TRDN: variants seen among roughly 807,000 people sequenced by gnomAD.
The protein encoded by TRDN is triadin in skeletal muscle.
In TRDN, 161 loss-of-function variants were observed where a neutral mutation model predicts 149.7. The observed-to-expected ratio is 1.08, with a 90% CI of 0.95 to 1.23. The LOEUF (loss-of-function observed/expected upper bound fraction) is 1.23, where lower values mean the gene tolerates loss of function less well. Among genes scored for constraint, TRDN ranks in the 50% most tolerant of loss-of-function variants. TRDN has a pLI of 0.00. For missense variants in TRDN, 896 were observed against 823.5 expected, an observed-to-expected ratio of 1.09 and a Z score of -1.08; for synonymous variants, 294 against 250.5, an observed-to-expected ratio of 1.17 and a Z score of -1.64.
chr6:123,385,423 CAA>C (rs71722709), intron 14 of TRDN, among the ~76,000 whole-genome samples: 21 of 83,204 alleles, frequency 2.5e-4, no homozygotes, highest in African/African-American at 5.1e-4. Flanking sequence ...GACTCCATCT[CAA>C]AAAAAAAAAG....
intron 18 of TRDN, among the ~76,000 whole-genome samples, chr6:123,375,943 G>T (rs1266403057): frequency 6.6e-6 from 1 of 151,718 alleles, no homozygotes; most frequent in African/African-American, 2.4e-5. Flanking sequence ...TTTATATACA[G>T]GCAAATGCAT....
At position 123,636,863 on chromosome 6, in the gene TRDN, G is replaced by A; in HGVS notation, c.-88C>T. 1.3e-6 allele frequency: 2 copies of A among 1,519,242 alleles called. No individual in the cohort carries two copies. The highest frequency in any genetic ancestry group is 9.1e-7 in the Non-Finnish European group (1 of 1,095,990). 94.1% of individuals were successfully genotyped at this position (1,519,242 alleles called of 1,614,324 possible). ...TTGGGGATTTGAGAACTCTGGTGGAGGGTTCTGTGTCAAAACCTGGGGGCT... is the reference window on the plus strand; with the variant it reads ...TTGGGGATTTGAGAACTCTGGTGGAAGGTTCTGTGTCAAAACCTGGGGGCT... On this transcript the variant is annotated 5_prime_UTR_variant, in exon 1 of 41. Coordinates refer to ENST00000334268, the MANE Select transcript of TRDN (RefSeq NM_006073.4).
intron 38 of TRDN, among the ~76,000 whole-genome samples, chr6:123,236,274 T>C (rs1775784387): frequency 6.6e-6 from 1 of 152,218 alleles, no homozygotes; most frequent in Non-Finnish European, 1.5e-5. Flanking sequence ...ATGTCAAATA[T>C]CTTTTCTGGC....
At chr6:123,293,673 G>A (rs906907176) in intron 24 of TRDN, among the ~76,000 whole-genome samples, 1 of 152,106 alleles carries the variant, frequency 6.6e-6, no homozygotes, top group Non-Finnish European at 1.5e-5. Context: ...ATCACACCCT[G>A]TAGGGCTTCT....
At chr6:123,457,564 T>G (rs1254755431) in intron 10 of TRDN, 1 of 293,990 alleles carries the variant, frequency 3.4e-6, no homozygotes, top group Admixed American at 3.0e-5. Flanking sequence ...TTCATTTTCC[T>G]TTTTTTTTCT....
chr6:123,529,367 T>C (rs1326718211), intron 5 of TRDN: 2 of 1,546,436 alleles, frequency 1.3e-6, no homozygotes, highest in Admixed American at 3.9e-5. Flanking sequence ...TAAGTACAAA[T>C]ATAAATAGGT....
chr6:123,273,603 A>G (rs1000140127), intron 27 of TRDN, among the ~76,000 whole-genome samples: 15 of 152,130 alleles, frequency 9.9e-5, no homozygotes, highest in African/African-American at 3.6e-4. Context: ...CTAATAAATC[A>G]TAATAATATT....
intron 1 of TRDN, among the ~76,000 whole-genome samples, chr6:123,609,660 T>C (rs1288085191): frequency 6.6e-6 from 1 of 152,146 alleles, no homozygotes; most frequent in African/African-American, 2.4e-5. Flanking sequence ...CTGACTTGAA[T>C]TGGTTCTTAA....
chr6:123,295,488 C>A (rs1019722373), intron 24 of TRDN, among the ~76,000 whole-genome samples: 2 of 152,116 alleles, frequency 1.3e-5, no homozygotes, highest in African/African-American at 2.4e-5. Context: ...TTGGGGCTCA[C>A]CTGCCCTGCA....
At chr6:123,266,828 A>T (rs1163028706) in intron 32 of TRDN, among the ~76,000 whole-genome samples, 3 of 136,988 alleles carry the variant, frequency 2.2e-5, no homozygotes, top group Non-Finnish European at 4.6e-5. Flanking sequence ...TGGTAGATAG[A>T]TAATGCTAGA....
intron 33 of TRDN, among the ~76,000 whole-genome samples, chr6:123,264,623 T>C (rs202176116): frequency 5.9e-5 from 9 of 152,170 alleles, no homozygotes; most frequent in Admixed American, 3.9e-4. Flanking sequence ...GAAGTTCTAC[T>C]GCGAGTAAAA....
chr6:123,278,726 C>T (rs935329478), intron 25 of TRDN, among the ~76,000 whole-genome samples: 1 of 152,160 alleles, frequency 6.6e-6, no homozygotes, highest in Non-Finnish European at 1.5e-5. Context: ...GCAGAGATCA[C>T]ACCACTGCCC....
chr6:123,543,931 G>A (rs1241546416), intron 4 of TRDN, among the ~76,000 whole-genome samples: 3 of 151,550 alleles, frequency 2.0e-5, no homozygotes, highest in Admixed American at 6.6e-5. Flanking sequence ...GATTCTCTAA[G>A]GAAAAAAGTG....
At chr6:123,547,655 C>A (rs771955207) in intron 3 of TRDN, among the ~76,000 whole-genome samples, 1 of 151,846 alleles carries the variant, frequency 6.6e-6, no homozygotes, top group Non-Finnish European at 1.5e-5. Flanking sequence ...CTCTATTGTT[C>A]ATGTTGAACT....
At chr6:123,592,857 T>C (rs1448238604) in intron 1 of TRDN, among the ~76,000 whole-genome samples, 2 of 152,226 alleles carry the variant, frequency 1.3e-5, no homozygotes, top group African/African-American at 4.8e-5. Flanking sequence ...CACTGTCTGC[T>C]TCTATCTTAG....
chr6:123,623,700 T>C (rs968216974), intron 1 of TRDN, among the ~76,000 whole-genome samples: 21 of 152,168 alleles, frequency 1.4e-4, no homozygotes, highest in Admixed American at 5.2e-4. Context: ...CTTAATTCTT[T>C]GCTCTTTCTT....
chr6:123,321,038 T>C (rs1406270325), intron 23 of TRDN, among the ~76,000 whole-genome samples: 1 of 152,108 alleles, frequency 6.6e-6, no homozygotes, highest in Non-Finnish European at 1.5e-5. Context: ...TAAAGGAACA[T>C]TAGCAGTGTT....
chr6:123,514,239 T>C (rs1352193154), intron 6 of TRDN, among the ~76,000 whole-genome samples: 1 of 151,870 alleles, frequency 6.6e-6, no homozygotes, highest in Non-Finnish European at 1.5e-5. Context: ...GTGGCACATG[T>C]CTGTAGTTCT....
intron 38 of TRDN, among the ~76,000 whole-genome samples, chr6:123,239,781 C>A (rs1171751085): frequency 6.6e-6 from 1 of 151,814 alleles, no homozygotes; most frequent in Non-Finnish European, 1.5e-5. Context: ...CTGTTACATA[C>A]ATATGTAAAA....
Sources: gnomAD v4.1 joint callset for allele counts (sites outside exome capture counted in the v4.1 genomes callset) on GRCh38, gnomAD v4.1.1 for gene constraint, MANE v1.5 for transcripts, NCBI Gene and HGNC (gene_info 2026-07-23, HGNC 2026-07-21) for gene names.